The following ZNF786 variants were observed in gnomAD, a reference collection of about 807,000 sequenced individuals.
The protein encoded by ZNF786 is zinc finger protein 786.
ZNF786 carries 56 observed loss-of-function variants against 63.1 expected under a neutral mutation model. The ratio of observed to expected loss-of-function variants is 0.89; its 90% CI spans 0.72 to 1.11. The LOEUF is 1.11. ZNF786 is among the 50% of genes least tolerant of loss of function. The pLI is 0.00. For synonymous variants in ZNF786, 485 were observed against 406.9 expected, an observed-to-expected ratio of 1.19 and a Z score of -2.31; for missense variants, 1,213 against 1,041.8, an observed-to-expected ratio of 1.16 and a Z score of -2.26.
At chr7:149,079,470 T>A (rs1470448396) in intron 2 of ZNF786, among the ~76,000 whole-genome samples, 1 of 151,506 alleles carries the variant, frequency 6.6e-6, no homozygotes, top group Non-Finnish European at 1.5e-5. Context: ...CTGAACAGAC[T>A]GATTTTTTAA....
Position 149,072,330 on chromosome 7 carries a change from C to T in ZNF786, c.442G>A (p.Ala148Thr), listed in dbSNP as rs754386431. Residue 148 changes from alanine to threonine, a missense_variant, in exon 4 of 4, where the codon GCT (alanine) becomes ACT (threonine). Physicochemically the swap from Ala to Thr is moderately conservative, Grantham distance 58. Transcript: ENST00000491431. ...GGGCCGCAGGCTAGTGGTGGAGGAG[C>T]CCTGGCGTCGTGTCTCTGTGGGCTC... ...LGSPQRHDAR[A>T]PPPLACGPSE... 20 of 1,613,626 alleles carry T rather than the reference C, an allele frequency of 1.2e-5. No individual in the cohort carries two copies. Among genetic ancestry groups the T allele is most frequent in the Non-Finnish European group, 1.5e-5 (18 of 1,179,808 alleles).
intron 1 of ZNF786, among the ~76,000 whole-genome samples, chr7:149,086,626 TCACACACA>T (rs147898859): frequency 3.6e-4 from 53 of 147,608 alleles, no homozygotes; most frequent in Non-Finnish European, 5.8e-4. Flanking sequence ...ACACTCTGTC[TCACACACA>T]CACACACACA....
chr7:149,085,972 G>A (rs1825729737), intron 1 of ZNF786, among the ~76,000 whole-genome samples: 1 of 152,156 alleles, frequency 6.6e-6, no homozygotes. Flanking sequence ...ATCAGATCAA[G>A]GAGCGTTTGG....
At chr7:149,073,725 G>T in intron 3 of ZNF786, among the ~76,000 whole-genome samples, 1 of 18,312 alleles carries the variant, frequency 5.5e-5, no homozygotes, top group African/African-American at 1.4e-4. Flanking sequence ...ATATGTGTGC[G>T]TGTGTGTGTG....
intron 2 of ZNF786, among the ~76,000 whole-genome samples, chr7:149,075,662 T>TTTG (rs1467550248): frequency 1.8e-5 from 2 of 112,786 alleles, no homozygotes; most frequent in Non-Finnish European, 3.7e-5. Context: ...CAGGTTTTTT[T>TTTG]TTTTTTTTTT....
rs912524326 is a variant in ZNF786, at chr7:149,071,166, G to A, written c.1606C>T (p.Pro536Ser). ...EHLRVHSGER[P>S]FQCLKCDKRF... The stretch of plus-strand genomic sequence containing the variant: ...TTGTCGCACTTCAGGCACTGGAAGG[G>A]CCTCTCCCCGCTGTGCACTCTCAGG... The change falls in exon 4 of 4, where the codon CCC becomes TCC. Residue 536 changes from proline (P) to serine (S), a missense_variant. By Grantham distance (74) the Pro-to-Ser change is moderately conservative. Transcript: ENST00000491431. The A allele has an allele frequency of 1.2e-6, 2 of 1,612,544 alleles. No homozygotes were observed. The highest frequency in any genetic ancestry group is 1.7e-4 in the Middle Eastern group (1 of 6,058).
At chr7:149,090,404 G>C (rs920016902) in intron 1 of ZNF786, among the ~76,000 whole-genome samples, 2 of 152,148 alleles carry the variant, frequency 1.3e-5, no homozygotes, top group Non-Finnish European at 2.9e-5. Context: ...TCCACGCTCG[G>C]CTTTGTCCAG....
At chr7:149,075,655 GTTT>G (rs1165713050) in intron 2 of ZNF786, among the ~76,000 whole-genome samples, 4 of 69,466 alleles carry the variant, frequency 5.8e-5, no homozygotes, top group Admixed American at 2.6e-4. Context: ...CACACTTCAG[GTTT>G]TTTTTTTTTT....
intron 1 of ZNF786, among the ~76,000 whole-genome samples, chr7:149,086,834 A>G (rs1464360639): frequency 1.5e-5 from 2 of 135,240 alleles, no homozygotes; most frequent in African/African-American, 5.2e-5. Flanking sequence ...CACTTCCAAC[A>G]GCGCAGATCC....
chr7:149,073,540 G>A (rs1427817965), intron 3 of ZNF786, among the ~76,000 whole-genome samples: 1 of 151,736 alleles, frequency 6.6e-6, no homozygotes, highest in Non-Finnish European at 1.5e-5. Context: ...GCTCCAGCCT[G>A]GGTGACAGAG....
intron 2 of ZNF786, among the ~76,000 whole-genome samples, chr7:149,077,035 T>C (rs556501927): frequency 1.3e-5 from 2 of 152,324 alleles, no homozygotes; most frequent in Admixed American, 1.3e-4. Flanking sequence ...AGAGTAGGAA[T>C]GTTCACTTTG....
At chr7:149,080,838 T>G in intron 1 of ZNF786, 121 bp from the exon 2 acceptor site, 1 of 1,204,242 alleles carries the variant, frequency 8.3e-7, no homozygotes, top group Non-Finnish European at 1.2e-6. Context: ...TTCAGCAGCT[T>G]CTTCCTGGAG....
intron 2 of ZNF786, among the ~76,000 whole-genome samples, chr7:149,079,707 A>C (rs978581035): frequency 4.0e-5 from 6 of 148,970 alleles, no homozygotes; most frequent in Admixed American, 1.3e-4. Context: ...AGTAGCTGGG[A>C]CTACAGGCGC....
rs1266975215 is a variant in ZNF786 at position 149,072,000 on chromosome 7, G to A, written c.772C>T (p.His258Tyr). ...SFRRKLCLLR[H>Y]LAAHTGRGPF... ...CCCCTCCCCGTGTGGGCCGCCAGAT[G>A]GCGCAGCAGACACAGCTTCCGGCGG... The change falls in exon 4 of 4, where the codon CAT becomes TAT. Residue 258 changes from histidine (H) to tyrosine (Y), a missense_variant. Coordinates refer to ENST00000491431, the MANE Select transcript of ZNF786 (RefSeq NM_152411.4). The A allele has an allele frequency of 2.5e-6, 4 of 1,612,808 alleles. No homozygotes were observed. The African/African-American group carries it at 5.3e-5, about 22-fold the overall frequency.
chr7:149,081,179 T>G (rs1475564116), intron 1 of ZNF786: 1 of 456,162 alleles, frequency 2.2e-6, no homozygotes, highest in South Asian at 1.5e-5. Context: ...GGGTCATGCC[T>G]GTAATCCCAG....
chr7:149,080,076 G>A (rs1355289729), intron 2 of ZNF786, among the ~76,000 whole-genome samples: 1 of 151,964 alleles, frequency 6.6e-6, no homozygotes, highest in Non-Finnish European at 1.5e-5. Flanking sequence ...GTAGGCTGAG[G>A]CAGGAGAACT....
intron 2 of ZNF786, among the ~76,000 whole-genome samples, chr7:149,077,951 C>T (rs1825587926): frequency 6.6e-6 from 1 of 151,568 alleles, no homozygotes; most frequent in African/African-American, 2.4e-5. Flanking sequence ...TAGCCTCCGC[C>T]TCCTGGGTTC....
At chr7:149,080,568 C>A (rs1825632556) in intron 2 of ZNF786, 23 bp downstream of exon 2, 1 of 1,561,190 alleles carries the variant, frequency 6.4e-7, no homozygotes, top group South Asian at 1.2e-5. Context: ...CATGACCTAC[C>A]CACAAAGGTG....
intron 1 of ZNF786, among the ~76,000 whole-genome samples, chr7:149,089,361 C>A (rs1825793087): frequency 6.6e-6 from 1 of 152,182 alleles, no homozygotes. Context: ...GTCGCCCAGG[C>A]TGGAGTGCAG....
Sources: gnomAD v4.1 joint callset for allele counts (sites outside exome capture counted in the v4.1 genomes callset) on GRCh38, gnomAD v4.1.1 for gene constraint, MANE v1.5 for transcripts, NCBI Gene and HGNC (gene_info 2026-07-23, HGNC 2026-07-21) for gene names.